Variants in TYW1 observed in about 807,000 individuals in gnomAD.
TYW1 encodes S-adenosyl-L-methionine-dependent tRNA 4-demethylwyosine synthase TYW1.
TYW1 carries 46 observed loss-of-function variants against 96.2 expected under a neutral mutation model. The ratio of observed to expected loss-of-function variants is 0.48; its 90% CI spans 0.38 to 0.61. TYW1 has a LOEUF of 0.61. Among genes scored for constraint, TYW1 ranks in the 20% least tolerant of loss-of-function variants. The pLI, the probability that TYW1 is intolerant of heterozygous loss-of-function variation, is 0.00. For missense variants in TYW1, 684 were observed against 909.6 expected (o/e 0.75, Z 3.19); for synonymous variants, 274 against 323.0 (o/e 0.85, Z 1.63).
At chr7:67,020,071 G>C (rs1350459214) in intron 6 of TYW1, among the ~76,000 whole-genome samples, 36 of 152,382 alleles carry the variant, frequency 2.4e-4, no homozygotes, top group African/African-American at 7.9e-4. Context: ...TCAGGTTATG[G>C]GTCCCATAAG....
chr7:67,010,447 T>C (rs1457063991), intron 4 of TYW1, among the ~76,000 whole-genome samples: 1 of 151,884 alleles, frequency 6.6e-6, no homozygotes, highest in African/African-American at 2.4e-5. Context: ...ACTACAGGCA[T>C]GTGCTGCCAT....
At chr7:67,117,432 C>A in intron 12 of TYW1, 51 bp from the exon 13 acceptor site, 2 of 1,576,878 alleles carry the variant, frequency 1.3e-6, no homozygotes, top group Non-Finnish European at 1.7e-6. Flanking sequence ...TCATGGAAAG[C>A]CTGATAGAGG....
chr7:67,172,563 G>A (rs184681024), intron 13 of TYW1, among the ~76,000 whole-genome samples: 82 of 152,062 alleles, frequency 5.4e-4, no homozygotes, highest in African/African-American at 1.9e-3. Context: ...TGGGATTACA[G>A]GTGTGTGCCA....
At chr7:67,038,018 G>A (rs746263387) in intron 7 of TYW1, among the ~76,000 whole-genome samples, 3 of 152,122 alleles carry the variant, frequency 2.0e-5, no homozygotes, top group African/African-American at 7.2e-5. Context: ...GGAAATGCTC[G>A]GGCCGAGCTT....
chr7:67,140,267 A>G (rs1189817525), intron 13 of TYW1, among the ~76,000 whole-genome samples: 2 of 152,186 alleles, frequency 1.3e-5, no homozygotes, highest in African/African-American at 2.4e-5. Flanking sequence ...AAACCATATC[A>G]CCTTGTTCTT....
chr7:67,127,162 T>G (rs1389770938), intron 13 of TYW1, among the ~76,000 whole-genome samples: 5 of 149,474 alleles, frequency 3.3e-5, no homozygotes, highest in Non-Finnish European at 6.0e-5. Flanking sequence ...AAATAATCTT[T>G]TTTTTTTTTT....
At chr7:67,187,073 T>TGG (rs1800050728) in intron 14 of TYW1, among the ~76,000 whole-genome samples, 2 of 138,784 alleles carry the variant, frequency 1.4e-5, no homozygotes, top group African/African-American at 3.0e-5. Context: ...TTTTTTTTTT[T>TGG]TTTTTTTTGA....
intron 6 of TYW1, among the ~76,000 whole-genome samples, chr7:67,021,391 A>ACT (rs1794266586): frequency 1.3e-5 from 2 of 152,274 alleles, no homozygotes; most frequent in Non-Finnish European, 2.9e-5. Context: ...GACTGATAGT[A>ACT]GCTGCATGCC....
At chr7:67,010,136 C>T (rs1473268427) in intron 4 of TYW1, among the ~76,000 whole-genome samples, 1 of 151,942 alleles carries the variant, frequency 6.6e-6, no homozygotes, top group East Asian at 1.9e-4. Context: ...GCATGCACCA[C>T]CATGCCCAGC....
At chr7:67,050,682 A>G (rs1198894478) in intron 8 of TYW1, among the ~76,000 whole-genome samples, 1 of 152,154 alleles carries the variant, frequency 6.6e-6, no homozygotes, top group African/African-American at 2.4e-5. Flanking sequence ...ATCTATGTCT[A>G]TATTTTAATT....
At chr7:67,085,990 C>T (rs532229658) in intron 11 of TYW1, among the ~76,000 whole-genome samples, 13 of 151,928 alleles carry the variant, frequency 8.6e-5, no homozygotes, top group South Asian at 4.2e-4. Flanking sequence ...AAAAATTAGT[C>T]AATAATTATA....
Position 66,996,873 on chromosome 7 carries a change from G to C in TYW1, c.-106G>C. On this transcript the variant is annotated 5_prime_UTR_variant, in exon 1 of 16. Transcript: ENST00000359626. ...CTGCCCACAGGTCTGCAGGCACTCG[G>C]TACGCCGCTAACGCGGCGAGGTAGC... 1 of 1,584,254 alleles carries C rather than the reference G, an allele frequency of 6.3e-7. No homozygotes were observed. Among genetic ancestry groups the C allele is most frequent in the Non-Finnish European group, 8.6e-7 (1 of 1,163,738 alleles).
chr7:67,005,932 G>T (rs1278920876), intron 3 of TYW1, among the ~76,000 whole-genome samples: 2 of 151,974 alleles, frequency 1.3e-5, no homozygotes, highest in African/African-American at 4.8e-5. Flanking sequence ...GCAGTTCACT[G>T]TTCCTGCCGC....
chr7:67,156,910 G>A (rs1236086775), intron 13 of TYW1, among the ~76,000 whole-genome samples: 1 of 151,782 alleles, frequency 6.6e-6, no homozygotes, highest in Non-Finnish European at 1.5e-5. Context: ...ACTCTTCTGG[G>A]GGTAGGGTTG....
chr7:67,034,501 C>T lies in TYW1; in HGVS notation c.984+9479C>T, dbSNP rs574803595. ...TCCTGGATCCGCTTTTCATAGTAAC[C>T]ACAGTTTTCAGTTTGACAGTATTCT... On this transcript the variant is annotated intron_variant, in intron 7 of 15. Transcript: ENST00000359626. Among the ~76,000 whole-genome samples the T allele has an allele frequency of 3.3e-5, 5 of 152,092 alleles. No homozygotes were observed. In the South Asian group the frequency reaches 1.0e-3, roughly 32 times the overall value.
rs768552935 is a variant in TYW1, at chr7:66,998,125, T to G, written c.65T>G (p.Phe22Cys). The G allele has an allele frequency of 1.9e-6, 3 of 1,612,934 alleles. No individual in the cohort carries two copies. Among genetic ancestry groups the G allele is most frequent in the Admixed American group, 1.7e-5 (1 of 59,674 alleles). Residue 22 changes from phenylalanine to cysteine, a missense_variant, in exon 2 of 16, where the codon TTT becomes TGT. By Grantham distance (205) the Phe-to-Cys change is radical. Transcript: ENST00000359626. ...TTAATATCATTATGGATAAACAGGT[T>G]TTACATTTATTTGGGCTTTGCTGTT... ...SPLISLWINR[F>C]YIYLGFAVSI...
At chr7:67,044,935 A>G (rs1223280843) in intron 7 of TYW1, among the ~76,000 whole-genome samples, 2 of 152,098 alleles carry the variant, frequency 1.3e-5, no homozygotes, top group Non-Finnish European at 2.9e-5. Context: ...AACCTTTTCT[A>G]TAGGAATTGA....
intron 7 of TYW1, among the ~76,000 whole-genome samples, chr7:67,030,247 C>A (rs1019501798): frequency 6.6e-6 from 1 of 152,178 alleles, no homozygotes; most frequent in Non-Finnish European, 1.5e-5. Flanking sequence ...TCACTGGTTT[C>A]TTTCTGGTGA....
intron 12 of TYW1, among the ~76,000 whole-genome samples, chr7:67,110,949 G>A (rs1182351327): frequency 6.6e-6 from 1 of 152,114 alleles, no homozygotes; most frequent in African/African-American, 2.4e-5. Context: ...AGATTGCAGT[G>A]AGCCATGATC....
Sources: allele counts gnomAD v4.1 joint callset (sites outside exome capture counted in the v4.1 genomes callset), GRCh38; gene constraint gnomAD v4.1.1; transcripts MANE v1.5; gene names NCBI Gene and HGNC (gene_info 2026-07-23, HGNC 2026-07-21).